The following LINGO2 variants were observed in gnomAD, a reference collection of about 807,000 sequenced individuals.
LINGO2 encodes leucine-rich repeat and immunoglobulin-like domain-containing nogo receptor-interacting protein 2.
In LINGO2, 14 loss-of-function variants were observed where a neutral mutation model predicts 30.6. The observed-to-expected ratio is 0.46, with a 90% CI of 0.30 to 0.72. The LOEUF (loss-of-function observed/expected upper bound fraction) is 0.72. Ranked by LOEUF, LINGO2 falls within the 30% of genes least tolerant of loss-of-function variation. The pLI is 0.07. For missense variants in LINGO2, 729 were observed against 751.7 expected (o/e 0.97, Z 0.35); for synonymous variants, 317 against 288.5 (o/e 1.10, Z -1.00).
At chr9:28,338,424 T>C (rs1003701920) in intron 3 of LINGO2, among the ~76,000 whole-genome samples, 1 of 152,170 alleles carries the variant, frequency 6.6e-6, no homozygotes, top group African/African-American at 2.4e-5. Context: ...GTTTGGACTT[T>C]TGAGTTAATG....
At chr9:28,197,581 A>T (rs1820059781) in intron 4 of LINGO2, among the ~76,000 whole-genome samples, 1 of 152,000 alleles carries the variant, frequency 6.6e-6, no homozygotes, top group Non-Finnish European at 1.5e-5. Flanking sequence ...TGGGTCAAAG[A>T]TTTTAACACA....
chr9:28,750,097 A>G, the LINGO2 span, among the ~76,000 whole-genome samples: 1 of 152,134 alleles, frequency 6.6e-6, no homozygotes, highest in African/African-American at 2.4e-5. Context: ...TTTTACTCAC[A>G]GACAAACTGA....
At chr9:28,624,626 G>A (rs954256769) in intron 1 of LINGO2, among the ~76,000 whole-genome samples, 58 of 140,062 alleles carry the variant, frequency 4.1e-4, no homozygotes, top group African/African-American at 1.7e-3. Context: ...TTAGCCTGTA[G>A]TTTTCTTTTT....
At chr9:29,068,502 T>C in the LINGO2 span, among the ~76,000 whole-genome samples, 3 of 151,736 alleles carry the variant, frequency 2.0e-5, no homozygotes, top group South Asian at 6.2e-4. Context: ...GTATATCTTG[T>C]TTATAATAAA....
At chr9:28,246,511 C>T (rs1375356569) in intron 4 of LINGO2, among the ~76,000 whole-genome samples, 1 of 152,026 alleles carries the variant, frequency 6.6e-6, no homozygotes, top group African/African-American at 2.4e-5. Context: ...GAAAGTATTC[C>T]CTATTTAATA....
intron 4 of LINGO2, among the ~76,000 whole-genome samples, chr9:28,159,977 A>G (rs1828240911): frequency 6.6e-6 from 1 of 152,166 alleles, no homozygotes; most frequent in African/African-American, 2.4e-5. Context: ...CTCATTATAC[A>G]TGAGTTTCTT....
chr9:28,324,841 C>T lies in LINGO2; in HGVS notation c.-245-29475G>A, dbSNP rs189937697. Among the ~76,000 whole-genome samples, 335 of 152,236 alleles carry T rather than the reference C, an allele frequency of 2.2e-3. 2 individuals carry two copies. The highest frequency in any genetic ancestry group is 3.6e-3 in the Non-Finnish European group (247 of 68,016). ...CTGAGCAGCCCATGCCACTGCTCTGCCTATAGAGTAGCCATTCTTTTATTT... is the reference window on the plus strand; with the variant it reads ...CTGAGCAGCCCATGCCACTGCTCTGTCTATAGAGTAGCCATTCTTTTATTT... On this transcript the variant is annotated intron_variant, in intron 3 of 5. Coordinates refer to ENST00000379992, the Ensembl canonical transcript of LINGO2.
intron 2 of LINGO2, among the ~76,000 whole-genome samples, chr9:28,435,777 T>A (rs1334912496): frequency 6.6e-6 from 1 of 152,178 alleles, no homozygotes; most frequent in Non-Finnish European, 1.5e-5. Flanking sequence ...AAGGACCATG[T>A]GAGACTGCAG....
chr9:28,486,227 TG>T (rs1388697817), intron 1 of LINGO2, among the ~76,000 whole-genome samples: 1 of 152,092 alleles, frequency 6.6e-6, no homozygotes, highest in Non-Finnish European at 1.5e-5. Context: ...CACTAGCTGT[TG>T]TTTGGCCTAA....
chr9:28,042,851 A>C (rs188939414), intron 4 of LINGO2, among the ~76,000 whole-genome samples: 13 of 152,282 alleles, frequency 8.5e-5, no homozygotes, highest in Non-Finnish European at 1.6e-4. Flanking sequence ...GTTCTGATTA[A>C]TATCGAGAGT....
intron 1 of LINGO2, among the ~76,000 whole-genome samples, chr9:28,545,979 T>G (rs971723424): frequency 1.3e-5 from 2 of 152,110 alleles, no homozygotes; most frequent in South Asian, 4.1e-4. Context: ...TTTTATATTC[T>G]ATGTCACTAC....
chr9:28,540,960 G>T (rs1407411330), intron 1 of LINGO2, among the ~76,000 whole-genome samples: 1 of 152,054 alleles, frequency 6.6e-6, no homozygotes, highest in Non-Finnish European at 1.5e-5. Flanking sequence ...TTCTACAATG[G>T]TTTCATTTTC....
intron 4 of LINGO2, among the ~76,000 whole-genome samples, chr9:28,261,940 C>T (rs183927842): frequency 6.6e-4 from 101 of 152,016 alleles, no homozygotes; most frequent in Admixed American, 7.2e-4. Flanking sequence ...GGACAAGGCA[C>T]GTAATTACTT....
intron 1 of LINGO2, among the ~76,000 whole-genome samples, chr9:28,549,488 G>T (rs1280385402): frequency 6.6e-6 from 1 of 151,878 alleles, no homozygotes; most frequent in African/African-American, 2.4e-5. Flanking sequence ...AGTTAAAAAT[G>T]GAATTGTTAT....
intron 4 of LINGO2, among the ~76,000 whole-genome samples, chr9:28,024,865 C>T (rs533000777): frequency 3.9e-5 from 6 of 152,202 alleles, no homozygotes; most frequent in South Asian, 4.1e-4. Context: ...TCTCCCCAGC[C>T]GCGACAATGA....
At chr9:28,452,474 C>A (rs955268843) in intron 2 of LINGO2, among the ~76,000 whole-genome samples, 1 of 151,834 alleles carries the variant, frequency 6.6e-6, no homozygotes. Context: ...AAGGCTCTGA[C>A]TATTCCTAGA....
rs988488085 is a variant in LINGO2, at chr9:28,496,481, A to T, written c.-364-20456T>A. ...TGTTTTATCAGATACTAGGATTGCA[A>T]CCCCTGCCTTTTTGTTTTCCATTTG... On this transcript the variant is annotated intron_variant, in intron 1 of 5. Transcript: ENST00000379992. Among the ~76,000 whole-genome samples, 27 of 150,362 alleles carry T rather than the reference A, an allele frequency of 1.8e-4. 1 individual carries two copies. Among genetic ancestry groups the T allele is most frequent in the African/African-American group, 6.8e-4 (27 of 39,900 alleles).
the LINGO2 span, among the ~76,000 whole-genome samples, chr9:28,860,690 A>G: frequency 6.7e-6 from 1 of 150,120 alleles, no homozygotes; most frequent in Non-Finnish European, 1.5e-5. Flanking sequence ...ATATATATAT[A>G]TATATGCATA....
At chr9:28,054,911 T>G (rs1483968889) in intron 4 of LINGO2, among the ~76,000 whole-genome samples, 2 of 152,126 alleles carry the variant, frequency 1.3e-5, no homozygotes, top group African/African-American at 4.8e-5. Flanking sequence ...CATATTCCTG[T>G]TTTTTGTATG....
Sources: allele counts gnomAD v4.1 joint callset (sites outside exome capture counted in the v4.1 genomes callset), GRCh38; gene constraint gnomAD v4.1.1; transcripts MANE v1.5; gene names NCBI Gene and HGNC (gene_info 2026-07-23, HGNC 2026-07-21).